COL4A1: variants seen among roughly 807,000 people sequenced by gnomAD.
COL4A1 encodes the protein collagen alpha-1(IV) chain.
COL4A1 carries 40 observed loss-of-function variants against 216.6 expected under a neutral mutation model. That is an observed-to-expected ratio of 0.18 (90% CI 0.14 to 0.24). COL4A1 has a LOEUF of 0.24. COL4A1 is among the 10% of genes least tolerant of loss of function. The pLI, the probability that COL4A1 is intolerant of heterozygous loss-of-function variation, is 1.00. For synonymous variants in COL4A1, 839 were observed against 810.7 expected (o/e 1.03, Z -0.59); for missense variants, 1,628 against 2,196.8 (o/e 0.74, Z 5.18).
chr13:110,209,437 A>T lies in COL4A1; in HGVS notation c.616-10T>A. ...GAGGGCCTGGGGGACCCTGGGAGAG[A>T]CAGCATTTTAATTAAATAGGATTCA... On this transcript the variant is annotated splice_polypyrimidine_tract_variant and intron_variant, in intron 10 of 51. Coordinates refer to ENST00000375820, the MANE Select transcript of COL4A1 (RefSeq NM_001845.6). 6.3e-7 allele frequency: 1 copy of T among 1,595,176 alleles called. No individual in the cohort carries two copies. The highest frequency in any genetic ancestry group is 8.5e-7 in the Non-Finnish European group (1 of 1,169,782).
In COL4A1 at chr13:110,228,105, G is replaced by A. The variant is rs180709843; in HGVS notation, c.145-14090C>T. Among the ~76,000 whole-genome samples the A allele has an allele frequency of 1.9e-3, 286 of 152,310 alleles. 2 individuals carry two copies. Among genetic ancestry groups the A allele is most frequent in the African/African-American group, 6.6e-3 (273 of 41,570 alleles). ...ACACGCGCCTTACAGGACTCAGGAAGCGCAGCTGGGCGGGACCATCGCGGA... is the reference window on the plus strand; with the variant it reads ...ACACGCGCCTTACAGGACTCAGGAAACGCAGCTGGGCGGGACCATCGCGGA... On this transcript the variant is annotated intron_variant, in intron 2 of 51. Coordinates refer to ENST00000375820, the MANE Select transcript of COL4A1 (RefSeq NM_001845.6).
chr13:110,217,214 A>G (rs1880130586), intron 2 of COL4A1, among the ~76,000 whole-genome samples: 1 of 152,252 alleles, frequency 6.6e-6, no homozygotes, highest in South Asian at 2.1e-4. Context: ...GCTGGCGACC[A>G]GCATGCAGTA....
At chr13:110,185,651 T>C (rs1302386101) in intron 26 of COL4A1, among the ~76,000 whole-genome samples, 1 of 152,202 alleles carries the variant, frequency 6.6e-6, no homozygotes, top group Admixed American at 6.5e-5. Flanking sequence ...CCATGTCTAC[T>C]GGGAATCGCA....
intron 1 of COL4A1, among the ~76,000 whole-genome samples, chr13:110,306,705 C>T (rs1884737180): frequency 6.6e-6 from 1 of 152,254 alleles, no homozygotes; most frequent in African/African-American, 2.4e-5. Context: ...CTCCTCCCTT[C>T]CCCGGAGGAA....
chr13:110,234,993 T>C lies in COL4A1; in HGVS notation c.144+7682A>G, dbSNP rs576819546. Among the ~76,000 whole-genome samples, 13 of 152,382 alleles carry C rather than the reference T, an allele frequency of 8.5e-5. No homozygotes were observed. In the South Asian group the frequency reaches 2.5e-3, roughly 29 times the overall value. On this transcript the variant is annotated intron_variant, in intron 2 of 51. Transcript: ENST00000375820. Reference sequence around the variant, plus strand: ...TATTTTTTAAATCCCCCTAGTATTGTACACTAAGGAACACTTTTTAATGCG... The same window carrying C: ...TATTTTTTAAATCCCCCTAGTATTGCACACTAAGGAACACTTTTTAATGCG...
At chr13:110,235,337 T>G (rs1387250771) in intron 2 of COL4A1, among the ~76,000 whole-genome samples, 1 of 152,192 alleles carries the variant, frequency 6.6e-6, no homozygotes, top group Non-Finnish European at 1.5e-5. Flanking sequence ...TTTTTTAATA[T>G]TCTGTTAAAA....
chr13:110,261,095 A>G (rs377253693), intron 1 of COL4A1, among the ~76,000 whole-genome samples: 36 of 151,140 alleles, frequency 2.4e-4, no homozygotes, highest in Middle Eastern at 6.8e-3. Flanking sequence ...ATTTTACCAC[A>G]ATTTTAAAAA....
intron 50 of COL4A1, among the ~76,000 whole-genome samples, chr13:110,153,090 AG>A (rs1876586809): frequency 6.6e-6 from 1 of 152,264 alleles, no homozygotes; most frequent in African/African-American, 2.4e-5. Flanking sequence ...TCAGAAATCA[AG>A]ACCTTAAAAT....
At chr13:110,239,159 C>G (rs1175521103) in intron 2 of COL4A1, among the ~76,000 whole-genome samples, 1 of 152,128 alleles carries the variant, frequency 6.6e-6, no homozygotes, top group Non-Finnish European at 1.5e-5. Flanking sequence ...ATCAAGCTAT[C>G]TAGTATTTAT....
At chr13:110,269,875 G>A (rs1214273081) in intron 1 of COL4A1, among the ~76,000 whole-genome samples, 1 of 151,994 alleles carries the variant, frequency 6.6e-6, no homozygotes, top group Non-Finnish European at 1.5e-5. Flanking sequence ...TGGGTGAAGG[G>A]GTCTGAAGCC....
At chr13:110,169,525 C>CACACACACAT (rs1259982232) in intron 43 of COL4A1, 104 bp downstream of exon 43, 29 of 1,501,480 alleles carry the variant, frequency 1.9e-5, no homozygotes, top group Middle Eastern at 1.7e-4. Context: ...CACACACACA[C>CACACACACAT]ATATATATAC....
chr13:110,159,856 G>A (rs1876986548), intron 49 of COL4A1, among the ~76,000 whole-genome samples: 2 of 152,134 alleles, frequency 1.3e-5, no homozygotes, highest in South Asian at 2.1e-4. Context: ...AGTGACAAAA[G>A]GAAAAATACT....
At chr13:110,220,701 T>G (rs1471389684) in intron 2 of COL4A1, among the ~76,000 whole-genome samples, 1 of 152,158 alleles carries the variant, frequency 6.6e-6, no homozygotes, top group Non-Finnish European at 1.5e-5. Flanking sequence ...TATCATTAGC[T>G]TGGTTCTGAC....
At chr13:110,216,138 G>A (rs1217240158) in intron 2 of COL4A1, among the ~76,000 whole-genome samples, 2 of 152,210 alleles carry the variant, frequency 1.3e-5, no homozygotes, top group Non-Finnish European at 2.9e-5. Flanking sequence ...AAGCACAGAC[G>A]TGACTCCACG....
At position 110,219,647 on chromosome 13, in the gene COL4A1, A is replaced by AAAATATATATATATGTAT. The variant is rs1555307829; in HGVS notation, c.145-5633_145-5632insATACATATATATATATTT. Among the ~76,000 whole-genome samples, 64 of 95,152 alleles carry AAAATATATATATATGTAT rather than the reference A, an allele frequency of 6.7e-4. 2 individuals are homozygous for AAAATATATATATATGTAT. Among genetic ancestry groups the AAAATATATATATATGTAT allele is most frequent in the African/African-American group, 2.6e-3 (63 of 24,058 alleles). 62.4% of individuals were successfully genotyped at this position (95,152 alleles called of 152,430 possible). A position where few individuals can be genotyped will look rare whatever the true frequency, so the allele number is the denominator to read the frequency against. On this transcript the variant is annotated intron_variant, in intron 2 of 51. Coordinates refer to ENST00000375820, the MANE Select transcript of COL4A1 (RefSeq NM_001845.6). ...CCCAATAAGCCCATTGTAAGTTGAA[A>AAAATATATATATATGTAT]ATATATATATATATGTATATATATA...
In COL4A1 at chr13:110,211,532, T is replaced by C. The variant is rs141177872; in HGVS notation, c.468+115A>G. On this transcript the variant is annotated intron_variant, in intron 8 of 51. Transcript: ENST00000375820. This position sits in a 1 kb window ranked among gnomAD's most constrained non-coding sequence, Gnocchi z 4.3. ...TCATGTAACAGAGTTTAGGGAAGTG[T>C]GTTCAGAAACAATCGATCAGCCAAA... The C allele has an allele frequency of 2.2e-3, 2,052 of 947,814 alleles. 32 individuals carry two copies. The African/African-American group carries it at 0.031, about 14-fold the overall frequency. 58.7% of individuals were successfully genotyped at this position (947,814 alleles called of 1,614,324 possible).
intron 1 of COL4A1, among the ~76,000 whole-genome samples, chr13:110,289,260 G>A (rs58683082): frequency 0.13 from 19,187 of 152,128 alleles, 1,231 homozygotes; most frequent in South Asian, 0.19. Context: ...GTAGAGGGCT[G>A]GAGTGATGAG....
At chr13:110,156,870 GTGTC>G (rs981266253) in intron 49 of COL4A1, among the ~76,000 whole-genome samples, 9 of 152,176 alleles carry the variant, frequency 5.9e-5, no homozygotes, top group East Asian at 3.8e-4. Flanking sequence ...ACTTGTGTGT[GTGTC>G]TGTCTGTGTG....
At chr13:110,218,608 T>C (rs1176702665) in intron 2 of COL4A1, among the ~76,000 whole-genome samples, 1 of 152,182 alleles carries the variant, frequency 6.6e-6, no homozygotes, top group African/African-American at 2.4e-5. Context: ...ACGCTCAGCA[T>C]GAGGTAGGAT....
Sources: gnomAD v4.1 joint callset for allele counts (sites outside exome capture counted in the v4.1 genomes callset) on GRCh38, gnomAD v4.1.1 for gene constraint, Gnocchi (gnomAD v3.1) non-coding constraint, MANE v1.5 for transcripts, NCBI Gene and HGNC (gene_info 2026-07-23, HGNC 2026-07-21) for gene names.